RABEPK: variants seen among roughly 807,000 people sequenced by gnomAD.
RABEPK encodes the protein Rab9 effector protein with kelch motifs.
RABEPK carries 27 observed loss-of-function variants against 34.1 expected under a neutral mutation model. The observed-to-expected ratio is 0.79, with a 90% CI of 0.58 to 1.09. RABEPK has a LOEUF of 1.09. RABEPK is among the 50% of genes least tolerant of loss of function. The pLI is 0.00. For synonymous variants in RABEPK, 172 were observed against 169.2 expected (o/e 1.02, Z -0.13); for missense variants, 449 against 462.6 (o/e 0.97, Z 0.27).
At chr9:125,221,594 C>A (rs1831337090) in intron 5 of RABEPK, 1 of 151,124 alleles carries the variant, frequency 6.6e-6, no homozygotes, top group Non-Finnish European at 1.5e-5. Flanking sequence ...ATAAGAAAGA[C>A]AAAAAACAAA....
At position 125,203,040 on chromosome 9, in the gene RABEPK, T is replaced by A. The variant is rs375611940; in HGVS notation, c.27T>A (p.Pro9=). Residue 9 remains proline, a synonymous_variant, in exon 2 of 8, where the codon CCT becomes CCA. Coordinates refer to ENST00000373538, the MANE Select transcript of RABEPK (RefSeq NM_005833.4). ...TGAAGCAACTGCCAGTCTTGGAACC[T>A]GGAGACAAGCCCAGGAAAGCAACAT... MKQLPVLE[P]GDKPRKATWY... 2.7e-5 allele frequency: 44 copies of A among 1,613,540 alleles called. No homozygotes were observed. The highest frequency in any genetic ancestry group is 3.5e-5 in the Non-Finnish European group (41 of 1,179,756).
chr9:125,204,102 AG>A (rs1830070750), intron 2 of RABEPK, among the ~76,000 whole-genome samples: 2 of 149,104 alleles, frequency 1.3e-5, no homozygotes, highest in African/African-American at 4.9e-5. Context: ...TGGGAGGCCG[AG>A]GTGGGCGGAT....
chr9:125,231,894 A>ATTTTTTT (rs555538576), intron 6 of RABEPK, among the ~76,000 whole-genome samples: 1 of 112,660 alleles, frequency 8.9e-6, no homozygotes, highest in Non-Finnish European at 1.8e-5. Context: ...AAGGAACTGT[A>ATTTTTTT]TTTTTTTTTT....
At chr9:125,212,735 C>T (rs189579372) in intron 3 of RABEPK, among the ~76,000 whole-genome samples, 1 of 151,770 alleles carries the variant, frequency 6.6e-6, no homozygotes, top group East Asian at 1.9e-4. Context: ...CTGCAACCTC[C>T]GCTTGGTTTA....
At chr9:125,215,205 G>GTTT (rs59272289) in intron 4 of RABEPK, among the ~76,000 whole-genome samples, 1 of 145,996 alleles carries the variant, frequency 6.8e-6, no homozygotes. Flanking sequence ...AAATAGGTGG[G>GTTT]TTTTTTTTTT....
chr9:125,215,722 AT>A (rs1211988115), intron 4 of RABEPK, among the ~76,000 whole-genome samples: 1 of 152,176 alleles, frequency 6.6e-6, no homozygotes, highest in African/African-American at 2.4e-5. Context: ...TACCATTATA[AT>A]TAACAAAGCA....
At chr9:125,232,217 TAC>T (rs34676967) in intron 6 of RABEPK, among the ~76,000 whole-genome samples, 9,182 of 117,722 alleles carry the variant, frequency 0.078, 865 homozygotes, top group African/African-American at 0.25. Flanking sequence ...GTATTTAAAG[TAC>T]ACACACACAC....
intron 6 of RABEPK, among the ~76,000 whole-genome samples, chr9:125,231,161 G>A (rs146241866): frequency 0.023 from 3,551 of 151,864 alleles, 145 homozygotes; most frequent in African/African-American, 0.082. Context: ...AAATTAGCCG[G>A]GTGTGGCGGC....
intron 6 of RABEPK, among the ~76,000 whole-genome samples, chr9:125,230,966 T>C (rs1199485132): frequency 6.6e-6 from 1 of 152,132 alleles, no homozygotes; most frequent in Non-Finnish European, 1.5e-5. Context: ...CCTACCCAAG[T>C]AGTTCTCTAA....
At chr9:125,230,037 T>C (rs760836182) in intron 6 of RABEPK, among the ~76,000 whole-genome samples, 7 of 152,176 alleles carry the variant, frequency 4.6e-5, no homozygotes, top group Non-Finnish European at 8.8e-5. Context: ...CGATCTTAGC[T>C]CATGGCAGCC....
chr9:125,213,556 T>A, intron 4 of RABEPK, 34 bp downstream of exon 4: 1 of 1,579,694 alleles, frequency 6.3e-7, no homozygotes, highest in South Asian at 1.1e-5. Context: ...TTTACGTACA[T>A]ACAAATAAAC....
At chr9:125,208,879 A>G (rs1830410284) in intron 3 of RABEPK, among the ~76,000 whole-genome samples, 1 of 151,802 alleles carries the variant, frequency 6.6e-6, no homozygotes, top group Non-Finnish European at 1.5e-5. Flanking sequence ...TTCCACTACT[A>G]CTACTGTAGT....
intron 4 of RABEPK, among the ~76,000 whole-genome samples, chr9:125,218,355 A>G (rs550499008): frequency 2.9e-5 from 4 of 137,918 alleles, no homozygotes; most frequent in African/African-American, 1.1e-4. Flanking sequence ...AAAAGAACTG[A>G]GTTCAAACTC....
At chr9:125,220,900 C>T (rs749326479) in intron 5 of RABEPK, 200 bp downstream of exon 5, 4 of 626,572 alleles carry the variant, frequency 6.4e-6, no homozygotes, top group Non-Finnish European at 1.0e-5. Flanking sequence ...GGCATGGTGG[C>T]TCACACCTGT....
intron 7 of RABEPK, among the ~76,000 whole-genome samples, chr9:125,233,335 T>TG (rs1422128498): frequency 7.3e-6 from 1 of 137,336 alleles, no homozygotes; most frequent in African/African-American, 2.8e-5. Flanking sequence ...AATTGTTTTT[T>TG]TTTTTTTTTT....
At chr9:125,216,015 C>T (rs530663319) in intron 4 of RABEPK, among the ~76,000 whole-genome samples, 136 of 152,124 alleles carry the variant, frequency 8.9e-4, no homozygotes, top group African/African-American at 1.9e-3. Context: ...CATTTTGGGC[C>T]GGTGCGGTGG....
At chr9:125,232,477 C>A in intron 6 of RABEPK, 119 bp from the exon 7 acceptor site, 1 of 1,175,732 alleles carries the variant, frequency 8.5e-7, no homozygotes, top group Non-Finnish European at 1.2e-6. Flanking sequence ...GTGCACTAAA[C>A]CTCTCAGAGC....
In RABEPK at chr9:125,233,805, A is replaced by C; in HGVS notation, c.944A>C (p.Asn315Thr). 4 of 1,614,022 alleles carry C rather than the reference A, an allele frequency of 2.5e-6. No homozygotes were observed. Among genetic ancestry groups the C allele is most frequent in the Non-Finnish European group, 3.4e-6 (4 of 1,179,974 alleles). Residue 315 changes from asparagine (N) to threonine (T), a missense_variant, in exon 8 of 8, where the codon AAC becomes ACC. Coordinates refer to ENST00000373538, the MANE Select transcript of RABEPK (RefSeq NM_005833.4). ...VTCASEKEDS[N>T]SLTLNHEAEK... ...TGTGCTTCTGAGAAAGAAGATTCCA[A>C]CTCTCTCACTCTGAACCATGAAGCT...
At chr9:125,207,889 G>C (rs764893893) in intron 3 of RABEPK, among the ~76,000 whole-genome samples, 168 bp downstream of exon 3, 1 of 152,174 alleles carries the variant, frequency 6.6e-6, no homozygotes, top group Non-Finnish European at 1.5e-5. Context: ...ACTTTGGGAG[G>C]CCAAGGCAGG....
Sources: gnomAD v4.1 joint callset for allele counts (sites outside exome capture counted in the v4.1 genomes callset) on GRCh38, gnomAD v4.1.1 for gene constraint, MANE v1.5 for transcripts, NCBI Gene and HGNC (gene_info 2026-07-23, HGNC 2026-07-21) for gene names.